The following LRRC4C variants were observed in gnomAD, a reference collection of about 807,000 sequenced individuals.
LRRC4C encodes the protein leucine-rich repeat-containing protein 4C.
Under a neutral mutation model 33.6 loss-of-function variants are expected in LRRC4C, and 5 were observed. The observed-to-expected ratio is 0.15, with a 90% CI of 0.08 to 0.31. The LOEUF is 0.31. Among genes scored for constraint, LRRC4C ranks in the 10% least tolerant of loss-of-function variants. The pLI, the probability that LRRC4C is intolerant of heterozygous loss-of-function variation, is 1.00. For synonymous variants in LRRC4C, 329 were observed against 302.0 expected (o/e 1.09, Z -0.93); for missense variants, 560 against 796.7 (o/e 0.70, Z 3.58).
chr11:40,737,852 C>T (rs371410927), intron 2 of LRRC4C, among the ~76,000 whole-genome samples: 10 of 152,024 alleles, frequency 6.6e-5, no homozygotes, highest in East Asian at 1.9e-4. Flanking sequence ...ACTTTCTTCA[C>T]GGAATTAGAA....
chr11:40,495,449 A>C (rs890175242), intron 3 of LRRC4C, among the ~76,000 whole-genome samples: 1 of 152,216 alleles, frequency 6.6e-6, no homozygotes, highest in South Asian at 2.1e-4. Flanking sequence ...CCAGTGTCTC[A>C]GGAGTGACAC....
intron 1 of LRRC4C, among the ~76,000 whole-genome samples, chr11:41,445,053 T>C (rs940267742): frequency 3.9e-5 from 6 of 152,158 alleles, no homozygotes; most frequent in African/African-American, 1.4e-4. Flanking sequence ...TCCGCCTGCC[T>C]TGGCCTCCCA....
At chr11:40,977,964 T>C (rs1852204589) in intron 1 of LRRC4C, among the ~76,000 whole-genome samples, 1 of 152,172 alleles carries the variant, frequency 6.6e-6, no homozygotes, top group Non-Finnish European at 1.5e-5. Context: ...AAGGCAAACA[T>C]TGAAATCTAA....
intron 4 of LRRC4C, among the ~76,000 whole-genome samples, chr11:40,267,315 C>T (rs867946087): frequency 1.3e-5 from 2 of 152,176 alleles, no homozygotes; most frequent in Middle Eastern, 6.8e-3. Flanking sequence ...CACATTGAAG[C>T]TGCTTAAATG....
At chr11:41,378,025 G>A (rs1565625771) in intron 1 of LRRC4C, among the ~76,000 whole-genome samples, 1 of 152,124 alleles carries the variant, frequency 6.6e-6, no homozygotes, top group South Asian at 2.1e-4. Flanking sequence ...CTTCAGAAAG[G>A]CGGGCAGTGG....
At chr11:41,296,565 T>A (rs1037966500) in intron 1 of LRRC4C, among the ~76,000 whole-genome samples, 6 of 152,276 alleles carry the variant, frequency 3.9e-5, no homozygotes, top group Non-Finnish European at 7.4e-5. Context: ...TTAGCCCACC[T>A]CAGCCTCCCA....
chr11:41,369,608 G>A (rs1009728509), intron 1 of LRRC4C, among the ~76,000 whole-genome samples: 2 of 152,032 alleles, frequency 1.3e-5, no homozygotes, highest in Non-Finnish European at 2.9e-5. Flanking sequence ...GATCAGTGCA[G>A]GATTTATGCT....
At chr11:40,324,414 A>G (rs1289139029) in intron 3 of LRRC4C, among the ~76,000 whole-genome samples, 1 of 152,184 alleles carries the variant, frequency 6.6e-6, no homozygotes, top group Non-Finnish European at 1.5e-5. Flanking sequence ...CACAGGTAGC[A>G]GAGAATGTCA....
At chr11:40,980,037 G>A (rs1354883245) in intron 1 of LRRC4C, among the ~76,000 whole-genome samples, 3 of 152,176 alleles carry the variant, frequency 2.0e-5, no homozygotes, top group African/African-American at 7.2e-5. Context: ...CCATCTGGTT[G>A]AAATGAAAGG....
At chr11:40,884,618 T>C (rs1591989283) in intron 2 of LRRC4C, among the ~76,000 whole-genome samples, 1 of 152,124 alleles carries the variant, frequency 6.6e-6, no homozygotes, top group South Asian at 2.1e-4. Flanking sequence ...GTGTTAGAAA[T>C]AGTTATTACT....
chr11:40,967,404 C>T (rs1331698568), intron 1 of LRRC4C, among the ~76,000 whole-genome samples: 9 of 152,008 alleles, frequency 5.9e-5, no homozygotes, highest in African/African-American at 2.2e-4. Context: ...TATGTCCAGG[C>T]ACAATTCATT....
intron 5 of LRRC4C, 100 bp from the exon 6 acceptor site, chr11:40,140,953 A>C (rs1857323360): frequency 6.5e-6 from 1 of 152,854 alleles, no homozygotes; most frequent in Non-Finnish European, 1.5e-5. Flanking sequence ...CCAACCACAG[A>C]CACCACTGAT....
chr11:41,231,930 C>T (rs547474796), intron 1 of LRRC4C, among the ~76,000 whole-genome samples: 1 of 151,822 alleles, frequency 6.6e-6, no homozygotes, highest in Non-Finnish European at 1.5e-5. Context: ...AGTCCAAACT[C>T]TACCTTACAA....
At chr11:40,846,153 C>T (rs1953156920) in intron 2 of LRRC4C, among the ~76,000 whole-genome samples, 1 of 151,448 alleles carries the variant, frequency 6.6e-6, no homozygotes, top group South Asian at 2.1e-4. Flanking sequence ...ATGATAGTTT[C>T]TTTTGCTGTG....
chr11:41,080,192 A>G (rs2135478216), intron 1 of LRRC4C, among the ~76,000 whole-genome samples: 1 of 152,266 alleles, frequency 6.6e-6, no homozygotes, highest in Middle Eastern at 3.4e-3. Context: ...GCCATTTTTA[A>G]AAGACATATT....
rs535082091 is a variant in LRRC4C, at chr11:40,854,385, T to C, written c.-407+79250A>G. Among the ~76,000 whole-genome samples the C allele has an allele frequency of 6.6e-5, 10 of 152,224 alleles. 1 individual carries two copies. In the South Asian group the frequency reaches 2.1e-3, roughly 32 times the overall value. On this transcript the variant is annotated intron_variant, in intron 2 of 6. Coordinates refer to ENST00000528697, the MANE Select transcript of LRRC4C (RefSeq NM_001258419.2). ...AGAAGTGTAGATGAGAGCTTCATTT[T>C]CTTGTTTCCAAGTGGAAACTGCTAT...
At chr11:40,532,915 C>T (rs535832948) in intron 3 of LRRC4C, among the ~76,000 whole-genome samples, 192 of 152,210 alleles carry the variant, frequency 1.3e-3, no homozygotes, top group African/African-American at 4.3e-3. Context: ...AAGGCACCTT[C>T]TTCACAAGGT....
chr11:40,439,745 C>T (rs1159026668), intron 3 of LRRC4C, among the ~76,000 whole-genome samples: 1 of 152,174 alleles, frequency 6.6e-6, no homozygotes, highest in Non-Finnish European at 1.5e-5. Flanking sequence ...AGCCACCGGG[C>T]CCGGCCCCTT....
At chr11:40,579,393 G>A (rs1958363481) in intron 3 of LRRC4C, among the ~76,000 whole-genome samples, 1 of 151,946 alleles carries the variant, frequency 6.6e-6, no homozygotes, top group Non-Finnish European at 1.5e-5. Flanking sequence ...GTAAAGTTGG[G>A]TTTATGAAAA....
Sources: allele counts gnomAD v4.1 joint callset (sites outside exome capture counted in the v4.1 genomes callset), GRCh38; gene constraint gnomAD v4.1.1; transcripts MANE v1.5; gene names NCBI Gene and HGNC (gene_info 2026-07-23, HGNC 2026-07-21).